Variants in ASXL2 observed in about 807,000 individuals in gnomAD.
ASXL2 encodes the protein ASXL transcriptional regulator 2, also known as putative Polycomb group protein ASXL2.
Under a neutral mutation model 122.0 loss-of-function variants are expected in ASXL2, and 23 were observed. The ratio of observed to expected loss-of-function variants is 0.19; its 90% CI spans 0.14 to 0.27. The LOEUF (loss-of-function observed/expected upper bound fraction) is 0.27, where lower values mean the gene tolerates loss of function less well. Ranked by LOEUF, ASXL2 falls within the 10% of genes least tolerant of loss-of-function variation. The pLI is 1.00. For missense variants in ASXL2, 1,518 were observed against 1,713.8 expected (o/e 0.89, Z 2.02); for synonymous variants, 650 against 637.0 (o/e 1.02, Z -0.31).
chr2:25,816,410 T>C (rs993994956), intron 3 of ASXL2, among the ~76,000 whole-genome samples: 1 of 152,186 alleles, frequency 6.6e-6, no homozygotes, highest in Non-Finnish European at 1.5e-5. Flanking sequence ...TGAAATATAT[T>C]TCCCTGCCAC....
intron 4 of ASXL2, among the ~76,000 whole-genome samples, chr2:25,802,619 T>C (rs2089017319): frequency 6.6e-6 from 1 of 152,148 alleles, no homozygotes; most frequent in Non-Finnish European, 1.5e-5. Flanking sequence ...GCATCTTTTC[T>C]TCCTCTTGGT....
Position 25,857,361 on chromosome 2 carries a change from C to G in ASXL2, c.58-11798G>C, listed in dbSNP as rs143551934. Among the ~76,000 whole-genome samples, 794 of 152,296 alleles carry G rather than the reference C, an allele frequency of 5.2e-3. 5 individuals are homozygous for G. Among genetic ancestry groups the G allele is most frequent in the African/African-American group, 0.018 (742 of 41,550 alleles). ...AGAGTCTAGGAAATAAAATCTTTGT[C>G]TGGGTAGCTGGGACAAGGATTGTAC... On this transcript the variant is annotated intron_variant, in intron 1 of 12. Coordinates refer to ENST00000435504, the MANE Select transcript of ASXL2 (RefSeq NM_018263.6).
chr2:25,791,607 T>C (rs188260469), intron 5 of ASXL2, among the ~76,000 whole-genome samples: 129 of 152,314 alleles, frequency 8.5e-4, no homozygotes, highest in African/African-American at 3.0e-3. Flanking sequence ...CCCAGCCACA[T>C]TTATCTTCTT....
At chr2:25,864,022 C>A in intron 1 of ASXL2, among the ~76,000 whole-genome samples, 1 of 149,800 alleles carries the variant, frequency 6.7e-6, no homozygotes. Context: ...AAAAAAAATA[C>A]AATAAAATAA....
chr2:25,761,097 G>T (rs964698271), intron 8 of ASXL2, among the ~76,000 whole-genome samples: 1 of 152,042 alleles, frequency 6.6e-6, no homozygotes, highest in Non-Finnish European at 1.5e-5. Flanking sequence ...ATTTTTAGAG[G>T]TTTAGCAAAA....
At chr2:25,786,971 C>G (rs1040735198) in intron 5 of ASXL2, among the ~76,000 whole-genome samples, 11 of 121,210 alleles carry the variant, frequency 9.1e-5, no homozygotes, top group Non-Finnish European at 1.7e-4. Context: ...CTGGCTGGTA[C>G]AAAATGGCAA....
intron 8 of ASXL2, among the ~76,000 whole-genome samples, chr2:25,761,856 GCGTTCA>G (rs1434705336): frequency 6.6e-6 from 1 of 151,924 alleles, no homozygotes; most frequent in African/African-American, 2.4e-5. Context: ...AAAACTGAAG[GCGTTCA>G]CTACTCAGAA....
At chr2:25,822,340 G>A (rs1456690863) in intron 3 of ASXL2, 1 of 170,692 alleles carries the variant, frequency 5.9e-6, no homozygotes, top group Non-Finnish European at 1.3e-5. Flanking sequence ...GCCATCGCCT[G>A]AGGGAAGCGA....
At chr2:25,807,720 C>CA (rs2089103781) in intron 3 of ASXL2, among the ~76,000 whole-genome samples, 1 of 152,070 alleles carries the variant, frequency 6.6e-6, no homozygotes, top group South Asian at 2.1e-4. Context: ...TGAATACCCT[C>CA]ATAGACTGTT....
At chr2:25,762,037 AC>A (rs2088260540) in intron 8 of ASXL2, among the ~76,000 whole-genome samples, 1 of 152,102 alleles carries the variant, frequency 6.6e-6, no homozygotes, top group African/African-American at 2.4e-5. Flanking sequence ...AAAACAAAAT[AC>A]AAAAAAAAGA....
intron 1 of ASXL2, among the ~76,000 whole-genome samples, chr2:25,851,046 G>C (rs2089710580): frequency 6.6e-6 from 1 of 151,884 alleles, no homozygotes; most frequent in African/African-American, 2.4e-5. Flanking sequence ...GGCTGAGGCA[G>C]GAGGCAGGAG....
chr2:25,793,966 C>T (rs1466195423), intron 5 of ASXL2, among the ~76,000 whole-genome samples: 1 of 152,158 alleles, frequency 6.6e-6, no homozygotes, highest in Non-Finnish European at 1.5e-5. Context: ...CCAATAATAA[C>T]CTCAGAGGAA....
intron 5 of ASXL2, among the ~76,000 whole-genome samples, chr2:25,792,948 A>G (rs905797172): frequency 6.6e-6 from 1 of 151,864 alleles, no homozygotes; most frequent in Admixed American, 6.6e-5. Context: ...GTGTTTTCAG[A>G]AAAACATTTA....
chr2:25,874,172 C>T (rs1266883054), intron 1 of ASXL2, among the ~76,000 whole-genome samples: 2 of 151,940 alleles, frequency 1.3e-5, no homozygotes, highest in East Asian at 1.9e-4. Flanking sequence ...GGCGAGACCC[C>T]GTCTCTATAA....
At chr2:25,824,117 G>A (rs1048672540) in intron 3 of ASXL2, among the ~76,000 whole-genome samples, 1 of 147,040 alleles carries the variant, frequency 6.8e-6, no homozygotes, top group Non-Finnish European at 1.5e-5. Context: ...ATAATTAGTA[G>A]TTATGCTGAA....
In ASXL2 at chr2:25,742,705, C is replaced by A; in HGVS notation, c.3632G>T (p.Ser1211Ile). ...AGTTTCCCTGCTGTGAGGTCCTGAA[C>A]TTGTGTCACCCTTGCCAGCACTCTG... Reference protein sequence around the residue: ...VSQSAGKGDTSSGPHSRETLS... With the variant: ...VSQSAGKGDTISGPHSRETLS... The change falls in exon 13 of 13, where the codon AGT becomes ATT. Residue 1211 changes from serine to isoleucine, a missense_variant. Coordinates refer to ENST00000435504, the MANE Select transcript of ASXL2 (RefSeq NM_018263.6). The A allele has an allele frequency of 6.2e-7, 1 of 1,613,962 alleles. No individual in the cohort carries two copies. Among genetic ancestry groups the A allele is most frequent in the Non-Finnish European group, 8.5e-7 (1 of 1,179,880 alleles).
At chr2:25,807,880 T>C (rs1249360407) in intron 3 of ASXL2, among the ~76,000 whole-genome samples, 1 of 152,062 alleles carries the variant, frequency 6.6e-6, no homozygotes, top group Non-Finnish European at 1.5e-5. Flanking sequence ...TACCCAAAAA[T>C]TTCCTGTGAA....
chr2:25,871,845 A>G (rs2089964227), intron 1 of ASXL2, among the ~76,000 whole-genome samples: 1 of 152,252 alleles, frequency 6.6e-6, no homozygotes, highest in Admixed American at 6.5e-5. Flanking sequence ...GTGTTACATC[A>G]AGTCACCTTG....
chr2:25,854,651 C>A (rs1368816658), intron 1 of ASXL2, among the ~76,000 whole-genome samples: 2 of 152,174 alleles, frequency 1.3e-5, no homozygotes, highest in East Asian at 3.8e-4. Flanking sequence ...GCAAGTACAG[C>A]ATATGGCAAA....
Sources: allele counts gnomAD v4.1 joint callset (sites outside exome capture counted in the v4.1 genomes callset), GRCh38; gene constraint gnomAD v4.1.1; transcripts MANE v1.5; gene names NCBI Gene and HGNC (gene_info 2026-07-23, HGNC 2026-07-21).